PDE1A: variants seen among roughly 807,000 people sequenced by gnomAD.
The protein encoded by PDE1A is phosphodiesterase 1A, also known as dual specificity calcium/calmodulin-dependent 3',5'-cyclic nucleotide phosphodiesterase 1A.
A neutral mutation model predicts 61.7 loss-of-function variants in PDE1A; 35 were observed. That is an observed-to-expected ratio of 0.57 (90% CI 0.43 to 0.75). PDE1A has a LOEUF of 0.75. PDE1A is among the 30% of genes least tolerant of loss of function. The pLI, the probability that PDE1A is intolerant of heterozygous loss-of-function variation, is 0.00. For synonymous variants in PDE1A, 232 were observed against 213.2 expected (o/e 1.09, Z -0.77); for missense variants, 597 against 630.6 (o/e 0.95, Z 0.57).
chr2:182,399,440 C>T (rs1701880864), intron 1 of PDE1A, among the ~76,000 whole-genome samples: 1 of 151,986 alleles, frequency 6.6e-6, no homozygotes, highest in Non-Finnish European at 1.5e-5. Flanking sequence ...CAATTTAATA[C>T]ATTCTACATC....
intron 2 of PDE1A, among the ~76,000 whole-genome samples, chr2:182,252,365 G>A (rs999334117): frequency 3.9e-5 from 6 of 152,102 alleles, no homozygotes; most frequent in African/African-American, 9.7e-5. Context: ...GTAACTCTTT[G>A]TATATATGGT....
intron 1 of PDE1A, among the ~76,000 whole-genome samples, chr2:182,394,577 A>C (rs1701597462): frequency 6.6e-6 from 1 of 152,090 alleles, no homozygotes; most frequent in African/African-American, 2.4e-5. Context: ...GCTCGAGCTG[A>C]CATTGATTCC....
intron 2 of PDE1A, among the ~76,000 whole-genome samples, chr2:182,244,763 T>G (rs564160056): frequency 4.1e-4 from 63 of 152,166 alleles, no homozygotes; most frequent in Admixed American, 2.8e-3. Flanking sequence ...AATTGTTCAT[T>G]CTTGTATGAG....
intron 13 of PDE1A, among the ~76,000 whole-genome samples, chr2:182,180,060 T>C (rs1470581574): frequency 3.3e-5 from 5 of 152,158 alleles, no homozygotes; most frequent in African/African-American, 9.6e-5. Flanking sequence ...GCAATTGTAA[T>C]AAAGAAACTT....
intron 1 of PDE1A, among the ~76,000 whole-genome samples, chr2:182,385,704 GCTCTCC>G (rs1351370936): frequency 2.1e-5 from 3 of 143,534 alleles, no homozygotes; most frequent in Admixed American, 2.1e-4. Flanking sequence ...AAAAGAAAGA[GCTCTCC>G]CTCTCCCTCC....
At chr2:182,280,981 T>TTGCAAA (rs1693767376) in intron 1 of PDE1A, among the ~76,000 whole-genome samples, 1 of 151,914 alleles carries the variant, frequency 6.6e-6, no homozygotes, top group African/African-American at 2.4e-5. Context: ...CATTACCCAT[T>TTGCAAA]TGGTATTGGA....
chr2:182,383,717 A>G (rs535965612), intron 1 of PDE1A, among the ~76,000 whole-genome samples: 1 of 152,322 alleles, frequency 6.6e-6, no homozygotes, highest in East Asian at 1.9e-4. Context: ...GTGAGAGATC[A>G]CAGTATCTAA....
chr2:182,698,286 C>T, the PDE1A span, among the ~76,000 whole-genome samples: 2 of 152,110 alleles, frequency 1.3e-5, no homozygotes, highest in Non-Finnish European at 2.9e-5. Flanking sequence ...AAAAATCCTG[C>T]AGGAATCTAT....
At chr2:182,614,610 T>G in the PDE1A span, among the ~76,000 whole-genome samples, 1 of 146,518 alleles carries the variant, frequency 6.8e-6, no homozygotes, top group Non-Finnish European at 1.5e-5. Context: ...CAGGCTGGAG[T>G]GCAGTGGTGC....
chr2:182,467,861 TAATAA>T (rs555858753), intron 2 of PDE1A, among the ~76,000 whole-genome samples: 1 of 152,070 alleles, frequency 6.6e-6, no homozygotes, highest in Admixed American at 6.6e-5. Context: ...AAAGCTAACA[TAATAA>T]AATGAGTTAC....
At chr2:182,626,826 C>CAT in the PDE1A span, among the ~76,000 whole-genome samples, 9 of 10,976 alleles carry the variant, frequency 8.2e-4, no homozygotes, top group African/African-American at 2.2e-3. Context: ...TATATATATA[C>CAT]ATATATATAT....
chr2:182,647,745 A>G, the PDE1A span, among the ~76,000 whole-genome samples: 1 of 152,252 alleles, frequency 6.6e-6, no homozygotes, highest in African/African-American at 2.4e-5. Context: ...CTACAATTTC[A>G]GAATCATTTA....
At chr2:182,222,076 A>G (rs1200362879) in intron 7 of PDE1A, among the ~76,000 whole-genome samples, 1 of 152,020 alleles carries the variant, frequency 6.6e-6, no homozygotes, top group Non-Finnish European at 1.5e-5. Flanking sequence ...TGAACTGACC[A>G]CACAAGAGCC....
intron 6 of PDE1A, among the ~76,000 whole-genome samples, chr2:182,228,772 G>A (rs900013488): frequency 2.6e-5 from 4 of 152,004 alleles, no homozygotes; most frequent in African/African-American, 9.7e-5. Flanking sequence ...TCTTGGTTCT[G>A]GAAAACACTA....
chr2:182,462,825 T>G (rs948098726), intron 2 of PDE1A, among the ~76,000 whole-genome samples: 8 of 152,178 alleles, frequency 5.3e-5, no homozygotes, highest in Admixed American at 4.6e-4. Context: ...TTTTTGAAAT[T>G]TTAAAATAAA....
At chr2:182,477,147 A>G (rs1687417959) in intron 2 of PDE1A, among the ~76,000 whole-genome samples, 1 of 151,984 alleles carries the variant, frequency 6.6e-6, no homozygotes, top group Admixed American at 6.6e-5. Flanking sequence ...AACATCAATA[A>G]GAAGCCAATA....
chr2:182,621,482 TCTC>T, the PDE1A span, among the ~76,000 whole-genome samples: 7 of 151,978 alleles, frequency 4.6e-5, no homozygotes, highest in Non-Finnish European at 7.4e-5. Flanking sequence ...CCTATCACAC[TCTC>T]CTCAGGAGGA....
At chr2:182,686,158 T>G in the PDE1A span, among the ~76,000 whole-genome samples, 10 of 152,140 alleles carry the variant, frequency 6.6e-5, no homozygotes, top group Non-Finnish European at 1.5e-4. Context: ...GGAAGAGAAC[T>G]GAAGTAAAAT....
the PDE1A span, among the ~76,000 whole-genome samples, chr2:182,671,128 C>T: frequency 6.7e-4 from 102 of 151,976 alleles, no homozygotes; most frequent in East Asian, 0.018. Context: ...CATACTATTT[C>T]TCATAAACTC....
Sources: gnomAD v4.1 joint callset for allele counts (sites outside exome capture counted in the v4.1 genomes callset) on GRCh38, gnomAD v4.1.1 for gene constraint, MANE v1.5 for transcripts, NCBI Gene and HGNC (gene_info 2026-07-23, HGNC 2026-07-21) for gene names.